CLMP: variants seen among roughly 807,000 people sequenced by gnomAD.
CLMP encodes CXADR like cell adhesion molecule.
A neutral mutation model predicts 45.2 loss-of-function variants in CLMP; 27 were observed. The ratio of observed to expected loss-of-function variants is 0.60; its 90% CI spans 0.44 to 0.82. The LOEUF (loss-of-function observed/expected upper bound fraction) is 0.82, where lower values mean the gene tolerates loss of function less well. CLMP is among the 40% of genes least tolerant of loss of function. The pLI, the probability that CLMP is intolerant of heterozygous loss-of-function variation, is 0.00. For missense variants in CLMP, 403 were observed against 448.4 expected (o/e 0.90, Z 0.91); for synonymous variants, 167 against 171.4 (o/e 0.97, Z 0.20).
At chr11:123,097,113 A>G (rs1865999935) in intron 2 of CLMP, among the ~76,000 whole-genome samples, 1 of 152,032 alleles carries the variant, frequency 6.6e-6, no homozygotes, top group African/African-American at 2.4e-5. Flanking sequence ...CAGGCTCCCA[A>G]AGTGTTGGGA....
intron 1 of CLMP, among the ~76,000 whole-genome samples, chr11:123,128,843 C>A (rs1860939475): frequency 6.6e-6 from 1 of 152,134 alleles, no homozygotes; most frequent in Non-Finnish European, 1.5e-5. Flanking sequence ...GCTAAGAGCT[C>A]TGTGAACAGC....
intron 1 of CLMP, among the ~76,000 whole-genome samples, chr11:123,137,960 A>AT (rs200996715): frequency 4.7e-4 from 70 of 149,382 alleles, no homozygotes; most frequent in African/African-American, 1.3e-3. Context: ...TAGTAATTTT[A>AT]TTTTTTTTTT....
At chr11:123,105,040 G>A (rs1404571260) in intron 1 of CLMP, among the ~76,000 whole-genome samples, 2 of 152,184 alleles carry the variant, frequency 1.3e-5, no homozygotes, top group Non-Finnish European at 2.9e-5. Context: ...ATGCCTTCAG[G>A]GAAGCCGCAA....
At chr11:123,156,269 T>C (rs971279864) in intron 1 of CLMP, among the ~76,000 whole-genome samples, 1 of 152,186 alleles carries the variant, frequency 6.6e-6, no homozygotes, top group Non-Finnish European at 1.5e-5. Flanking sequence ...GCACCTTGCT[T>C]ATGAATTTTA....
At chr11:123,102,707 C>CGTTT in intron 1 of CLMP, among the ~76,000 whole-genome samples, 1 of 93,288 alleles carries the variant, frequency 1.1e-5, no homozygotes, top group South Asian at 4.4e-4. Flanking sequence ...TCCCGAGTAG[C>CGTTT]TTTTTTTTTT....
At chr11:123,133,899 A>G (rs1278106326) in intron 1 of CLMP, among the ~76,000 whole-genome samples, 1 of 152,132 alleles carries the variant, frequency 6.6e-6, no homozygotes, top group Non-Finnish European at 1.5e-5. Context: ...CAAACCTAGT[A>G]AAAACATGTC....
chr11:123,119,825 T>A (rs1860788026), intron 1 of CLMP, among the ~76,000 whole-genome samples: 1 of 152,118 alleles, frequency 6.6e-6, no homozygotes, highest in Admixed American at 6.5e-5. Context: ...TAGTTGGGAT[T>A]AGAGGCACAC....
At chr11:123,189,150 T>C (rs543927713) in intron 1 of CLMP, among the ~76,000 whole-genome samples, 153 of 152,274 alleles carry the variant, frequency 1.0e-3, no homozygotes, top group South Asian at 8.9e-3. Context: ...TTCTTAACCA[T>C]TGGAATGGAG....
intron 1 of CLMP, among the ~76,000 whole-genome samples, chr11:123,107,315 C>T (rs972972166): frequency 4.0e-5 from 6 of 151,888 alleles, no homozygotes; most frequent in South Asian, 2.1e-4. Context: ...ACCGAAACCT[C>T]GGCCTCCTGG....
At chr11:123,151,056 T>C (rs752535673) in intron 1 of CLMP, among the ~76,000 whole-genome samples, 1 of 152,188 alleles carries the variant, frequency 6.6e-6, no homozygotes, top group Non-Finnish European at 1.5e-5. Flanking sequence ...ACTTGTTCAT[T>C]CAACAGGTGT....
At chr11:123,130,864 A>T in intron 1 of CLMP, among the ~76,000 whole-genome samples, 1 of 125,542 alleles carries the variant, frequency 8.0e-6, no homozygotes, top group African/African-American at 3.1e-5. Flanking sequence ...TTTTTTTGAG[A>T]CGGAGTCTCA....
At chr11:123,109,096 A>T (rs1455490757) in intron 1 of CLMP, among the ~76,000 whole-genome samples, 3 of 151,954 alleles carry the variant, frequency 2.0e-5, no homozygotes, top group Non-Finnish European at 2.9e-5. Context: ...AAAGAAAAAA[A>T]ATGGTTGAGT....
intron 1 of CLMP, among the ~76,000 whole-genome samples, chr11:123,122,988 A>AG (rs1860838615): frequency 6.6e-6 from 1 of 152,154 alleles, no homozygotes. Context: ...TCTGCTCAAA[A>AG]TAACTCGTTC....
intron 1 of CLMP, among the ~76,000 whole-genome samples, chr11:123,156,149 T>C (rs1045907118): frequency 5.9e-5 from 9 of 152,064 alleles, no homozygotes; most frequent in Non-Finnish European, 1.2e-4. Context: ...GAGAGCTCAC[T>C]CTCTCTCCCC....
At chr11:123,085,821 G>A (rs1011506727) in intron 2 of CLMP, among the ~76,000 whole-genome samples, 72 of 149,134 alleles carry the variant, frequency 4.8e-4, no homozygotes, top group African/African-American at 1.7e-3. Context: ...TTGTCGCCCG[G>A]TCTGGAGTAC....
chr11:123,083,252 A>G lies in CLMP; in HGVS notation c.557-45T>C, dbSNP rs140849943. The G allele has an allele frequency of 4.3e-4, 671 of 1,575,790 alleles. 2 individuals carry two copies. In the African/African-American group the frequency reaches 8.0e-3, roughly 19 times the overall value. The stretch of plus-strand genomic sequence containing the variant: ...GACTGTAAATCCCTTTAGTGATGGT[A>G]TCTATATTTATTGTTTACTTTATTG... On this transcript the variant is annotated intron_variant, in intron 4 of 6. Coordinates refer to ENST00000448775, the MANE Select transcript of CLMP (RefSeq NM_024769.5).
chr11:123,112,413 C>T (rs991604614), intron 1 of CLMP, among the ~76,000 whole-genome samples: 3 of 150,312 alleles, frequency 2.0e-5, no homozygotes, highest in African/African-American at 7.3e-5. Flanking sequence ...TCTCGGCTCA[C>T]GGCAACCTCC....
chr11:123,113,223 C>T (rs1220300321), intron 1 of CLMP, among the ~76,000 whole-genome samples: 1 of 152,206 alleles, frequency 6.6e-6, no homozygotes, highest in African/African-American at 2.4e-5. Context: ...GGTGAGTAAC[C>T]TGGAGTGCAT....
At chr11:123,116,236 A>G (rs1279581511) in intron 1 of CLMP, among the ~76,000 whole-genome samples, 1 of 152,064 alleles carries the variant, frequency 6.6e-6, no homozygotes, top group Non-Finnish European at 1.5e-5. Context: ...AGGAATCATT[A>G]GGTGCAATCT....
Sources: gnomAD v4.1 joint callset for allele counts (sites outside exome capture counted in the v4.1 genomes callset) on GRCh38, gnomAD v4.1.1 for gene constraint, MANE v1.5 for transcripts, NCBI Gene and HGNC (gene_info 2026-07-23, HGNC 2026-07-21) for gene names.